CHRM3: variants seen among roughly 807,000 people sequenced by gnomAD.
CHRM3 encodes the protein cholinergic receptor muscarinic 3.
CHRM3 carries 11 observed loss-of-function variants against 41.8 expected under a neutral mutation model. The ratio of observed to expected loss-of-function variants is 0.26; its 90% CI spans 0.17 to 0.44. The LOEUF is 0.44. Among genes scored for constraint, CHRM3 ranks in the 20% least tolerant of loss-of-function variants. CHRM3 has a pLI of 1.00. For synonymous variants in CHRM3, 297 were observed against 301.4 expected, an observed-to-expected ratio of 0.99 and a Z score of 0.15; for missense variants, 571 against 745.4, an observed-to-expected ratio of 0.77 and a Z score of 2.72.
chr1:239,761,679 T>C (rs1195859082), intron 5 of CHRM3, among the ~76,000 whole-genome samples: 1 of 152,130 alleles, frequency 6.6e-6, no homozygotes, highest in Non-Finnish European at 1.5e-5. Context: ...TAGGGGGCCT[T>C]TTCACTCTGG....
At chr1:239,739,535 A>G (rs1664664092) in intron 5 of CHRM3, among the ~76,000 whole-genome samples, 1 of 152,138 alleles carries the variant, frequency 6.6e-6, no homozygotes, top group Non-Finnish European at 1.5e-5. Flanking sequence ...GAAGATGGTG[A>G]ATACTGAGGT....
intron 4 of CHRM3, among the ~76,000 whole-genome samples, chr1:239,653,486 A>G (rs1165084222): frequency 6.6e-6 from 1 of 152,156 alleles, no homozygotes; most frequent in Non-Finnish European, 1.5e-5. Context: ...AAGTTTGGTC[A>G]AGGATGGAAT....
chr1:239,592,234 C>G (rs1664252955), intron 3 of CHRM3, among the ~76,000 whole-genome samples: 2 of 152,154 alleles, frequency 1.3e-5, no homozygotes, highest in South Asian at 4.1e-4. Flanking sequence ...TAAAATTGAA[C>G]TTTACTCTCA....
intron 3 of CHRM3, among the ~76,000 whole-genome samples, chr1:239,582,847 G>A (rs1663026286): frequency 1.3e-5 from 2 of 152,138 alleles, no homozygotes; most frequent in Non-Finnish European, 1.5e-5. Flanking sequence ...GAACTCTCCA[G>A]TGTCTTTCAT....
intron 4 of CHRM3, among the ~76,000 whole-genome samples, chr1:239,662,893 C>CTCTTCTTATTCTTCTTCTTCT (rs1673361312): frequency 2.2e-5 from 1 of 46,352 alleles, no homozygotes; most frequent in African/African-American, 7.9e-5. Flanking sequence ...CTTCCTCCTC[C>CTCTTCTTATTCTTCTTCTTCT]TCTTCTTCTT....
intron 5 of CHRM3, among the ~76,000 whole-genome samples, chr1:239,767,828 C>T (rs532598287): frequency 2.0e-5 from 3 of 152,242 alleles, no homozygotes; most frequent in Non-Finnish European, 4.4e-5. Flanking sequence ...TTCCATTACA[C>T]CTGAGTTTCC....
intron 6 of CHRM3, among the ~76,000 whole-genome samples, chr1:239,840,249 A>G (rs997983477): frequency 1.3e-5 from 2 of 152,130 alleles, no homozygotes; most frequent in Non-Finnish European, 2.9e-5. Flanking sequence ...CATCTCATTA[A>G]ATATATTAAG....
intron 1 of CHRM3, among the ~76,000 whole-genome samples, chr1:239,485,808 C>T (rs934498968): frequency 1.3e-5 from 2 of 152,160 alleles, no homozygotes; most frequent in Admixed American, 6.5e-5. Flanking sequence ...AGTACCCTGT[C>T]AACACTAGAA....
In CHRM3 at chr1:239,589,968, A is replaced by T. The variant is rs556553425; in HGVS notation, c.-312-42256A>T. Among the ~76,000 whole-genome samples, 4 of 152,070 alleles carry T rather than the reference A, an allele frequency of 2.6e-5. No individual in the cohort carries two copies. In the South Asian group the frequency reaches 8.3e-4, roughly 32 times the overall value. ...AAGTGCTTTTATTTTTTATTTAAAAACCCACAGTTTTAGCATCATTAATTT... is the reference window on the plus strand; with the variant it reads ...AAGTGCTTTTATTTTTTATTTAAAATCCCACAGTTTTAGCATCATTAATTT... On this transcript the variant is annotated intron_variant, in intron 3 of 6. Transcript: ENST00000676153.
rs531085092 is a variant in CHRM3, at chr1:239,665,553, C to T, written c.-249-12633C>T. ...TTTATTATTATATTTTAAGTTCTGG[C>T]GTACACGTGCAGAACTTGCAGGTTT... On this transcript the variant is annotated intron_variant, in intron 4 of 6. Coordinates refer to ENST00000676153, the MANE Select transcript of CHRM3 (RefSeq NM_001375978.1). Among the ~76,000 whole-genome samples the T allele has an allele frequency of 5.3e-5, 8 of 152,128 alleles. No homozygotes were observed. In the East Asian group the frequency reaches 7.7e-4, roughly 15 times the overall value.
At chr1:239,564,760 A>G (rs1661191938) in intron 3 of CHRM3, among the ~76,000 whole-genome samples, 1 of 152,216 alleles carries the variant, frequency 6.6e-6, no homozygotes, top group South Asian at 2.1e-4. Context: ...TTTTAAGGGT[A>G]TACACTATTC....
intron 4 of CHRM3, among the ~76,000 whole-genome samples, chr1:239,667,899 T>C (rs992970930): frequency 6.6e-6 from 1 of 152,132 alleles, no homozygotes; most frequent in African/African-American, 2.4e-5. Flanking sequence ...GTAACTCTAG[T>C]ACAAACCCAT....
At chr1:239,729,256 AT>A (rs1419976480) in intron 5 of CHRM3, among the ~76,000 whole-genome samples, 3 of 150,818 alleles carry the variant, frequency 2.0e-5, no homozygotes, top group Non-Finnish European at 4.5e-5. Flanking sequence ...TTGAGTGAAC[AT>A]TTTTTTAATA....
intron 1 of CHRM3, among the ~76,000 whole-genome samples, chr1:239,418,773 G>A (rs1006952223): frequency 6.6e-6 from 1 of 152,180 alleles, no homozygotes; most frequent in Admixed American, 6.5e-5. Flanking sequence ...GTGGGACAAA[G>A]TATAACTCCA....
chr1:239,624,632 G>A (rs1668831195), intron 3 of CHRM3, among the ~76,000 whole-genome samples: 1 of 150,774 alleles, frequency 6.6e-6, no homozygotes, highest in African/African-American at 2.5e-5. Context: ...TATGGTTTTA[G>A]GTCTAACGTT....
At chr1:239,875,188 A>G (rs1341453144) in intron 6 of CHRM3, among the ~76,000 whole-genome samples, 1 of 152,206 alleles carries the variant, frequency 6.6e-6, no homozygotes, top group African/African-American at 2.4e-5. Flanking sequence ...AATACAACAG[A>G]CATGAATTCT....
At chr1:239,587,801 C>T (rs4507997) in intron 3 of CHRM3, among the ~76,000 whole-genome samples, 127,240 of 152,126 alleles carry the variant, frequency 0.84, 55,046 homozygotes, top group Non-Finnish European at 0.93. Flanking sequence ...CAGACTTGAA[C>T]CTAAATAAAC....
intron 1 of CHRM3, among the ~76,000 whole-genome samples, chr1:239,479,858 G>A (rs951560420): frequency 6.6e-6 from 1 of 152,174 alleles, no homozygotes; most frequent in African/African-American, 2.4e-5. Context: ...TGAGTGGGTG[G>A]TGAATGAATG....
At chr1:239,891,647 C>T (rs1321222882) in intron 6 of CHRM3, among the ~76,000 whole-genome samples, 1 of 152,168 alleles carries the variant, frequency 6.6e-6, no homozygotes, top group East Asian at 1.9e-4. Context: ...CTTCATGCCC[C>T]TTCCTGGGTC....
Sources: allele counts gnomAD v4.1 joint callset (sites outside exome capture counted in the v4.1 genomes callset), GRCh38; gene constraint gnomAD v4.1.1; transcripts MANE v1.5; gene names NCBI Gene and HGNC (gene_info 2026-07-23, HGNC 2026-07-21).